SUPT3H: variants seen among roughly 807,000 people sequenced by gnomAD.
SUPT3H encodes the protein SPT3 homolog, SAGA and STAGA complex component.
Under a neutral mutation model 44.3 loss-of-function variants are expected in SUPT3H, and 44 were observed. That is an observed-to-expected ratio of 0.99 (90% CI 0.78 to 1.28). SUPT3H has a LOEUF of 1.28. SUPT3H is among the 50% of genes most tolerant of loss of function. The probability of loss-of-function intolerance (pLI) is 0.00; values close to 1 mark genes in which losing one functional copy is unlikely to be tolerated. For synonymous variants in SUPT3H, 124 were observed against 125.6 expected (o/e 0.99, Z 0.09); for missense variants, 380 against 387.1 (o/e 0.98, Z 0.15).
At chr6:44,812,373 G>A (rs1766592383) in intron 11 of SUPT3H, among the ~76,000 whole-genome samples, 2 of 152,268 alleles carry the variant, frequency 1.3e-5, no homozygotes, top group Non-Finnish European at 1.5e-5. Context: ...TCCTTGGCTC[G>A]TGGCTCCTTT....
intron 10 of SUPT3H, among the ~76,000 whole-genome samples, chr6:44,893,966 T>C (rs1437530803): frequency 1.4e-5 from 2 of 141,928 alleles, no homozygotes; most frequent in Non-Finnish European, 1.6e-5. Context: ...ATTTCTCTGA[T>C]GGCCAGTGAT....
intron 2 of SUPT3H, among the ~76,000 whole-genome samples, chr6:45,118,128 C>A (rs1220083263): frequency 6.6e-6 from 1 of 151,896 alleles, no homozygotes; most frequent in Non-Finnish European, 1.5e-5. Flanking sequence ...TAAATAATAA[C>A]CCTTTATAGA....
At chr6:45,296,968 C>T (rs1447837826) in intron 2 of SUPT3H, among the ~76,000 whole-genome samples, 1 of 149,300 alleles carries the variant, frequency 6.7e-6, no homozygotes, top group Non-Finnish European at 1.5e-5. Context: ...AAATGTATAG[C>T]GTAATCTGCT....
intron 2 of SUPT3H, among the ~76,000 whole-genome samples, chr6:45,120,301 T>C (rs1462299290): frequency 6.6e-6 from 1 of 150,778 alleles, no homozygotes; most frequent in Non-Finnish European, 1.5e-5. Context: ...AAAGACTATA[T>C]AGGCTAGGCA....
chr6:45,085,958 C>T (rs562444951), intron 3 of SUPT3H, among the ~76,000 whole-genome samples: 1 of 152,074 alleles, frequency 6.6e-6, no homozygotes, highest in Non-Finnish European at 1.5e-5. Context: ...AATTATAATC[C>T]TCCTATATTT....
chr6:45,263,129 C>G (rs1442745921), intron 2 of SUPT3H, among the ~76,000 whole-genome samples: 7 of 152,142 alleles, frequency 4.6e-5, no homozygotes, highest in Admixed American at 4.6e-4. Context: ...AATCCCACTA[C>G]TGGATATATA....
intron 3 of SUPT3H, among the ~76,000 whole-genome samples, chr6:45,044,300 G>T (rs1430793980): frequency 6.6e-6 from 1 of 152,126 alleles, no homozygotes; most frequent in Non-Finnish European, 1.5e-5. Context: ...TATCAGGTTG[G>T]AATAATCTTT....
intron 11 of SUPT3H, among the ~76,000 whole-genome samples, chr6:44,816,216 C>T (rs1766900949): frequency 6.6e-6 from 1 of 151,962 alleles, no homozygotes; most frequent in African/African-American, 2.4e-5. Flanking sequence ...TGGGATATAG[C>T]TAAAGTAGTG....
chr6:45,176,485 G>T (rs1331830601), intron 2 of SUPT3H, among the ~76,000 whole-genome samples: 1 of 151,826 alleles, frequency 6.6e-6, no homozygotes, highest in Non-Finnish European at 1.5e-5. Context: ...CAAGGCGGCA[G>T]CGAGGCTGGG....
chr6:45,057,189 T>C (rs1791263207), intron 3 of SUPT3H, among the ~76,000 whole-genome samples: 2 of 152,148 alleles, frequency 1.3e-5, no homozygotes, highest in South Asian at 2.1e-4. Context: ...AATGATTTCT[T>C]TGATAATGTT....
At chr6:45,214,402 G>A (rs1026487242) in intron 2 of SUPT3H, among the ~76,000 whole-genome samples, 4 of 151,546 alleles carry the variant, frequency 2.6e-5, no homozygotes, top group African/African-American at 9.7e-5. Flanking sequence ...AAGGAAATCA[G>A]CATTAAAGAA....
At chr6:44,857,528 CTT>C (rs1417733799) in intron 10 of SUPT3H, among the ~76,000 whole-genome samples, 1 of 152,170 alleles carries the variant, frequency 6.6e-6, no homozygotes, top group Non-Finnish European at 1.5e-5. Flanking sequence ...AAAATGCACT[CTT>C]TGGTTATTCA....
At chr6:44,998,827 T>C (rs1280748289) in intron 6 of SUPT3H, among the ~76,000 whole-genome samples, 2 of 151,916 alleles carry the variant, frequency 1.3e-5, no homozygotes, top group Admixed American at 6.6e-5. Context: ...TTTCTATGCT[T>C]TAGTTGAATG....
intron 2 of SUPT3H, among the ~76,000 whole-genome samples, chr6:45,346,223 G>A (rs980771845): frequency 6.6e-6 from 1 of 152,028 alleles, no homozygotes. Flanking sequence ...ATGTATATAT[G>A]TAAATATATA....
intron 10 of SUPT3H, among the ~76,000 whole-genome samples, chr6:44,893,284 A>T (rs1224756796): frequency 6.6e-6 from 1 of 152,158 alleles, no homozygotes; most frequent in South Asian, 2.1e-4. Flanking sequence ...TGTGCAGGTT[A>T]GTTACATATG....
intron 2 of SUPT3H, among the ~76,000 whole-genome samples, chr6:45,340,904 T>C (rs1474234178): frequency 1.3e-5 from 2 of 152,160 alleles, no homozygotes; most frequent in Admixed American, 6.5e-5. Context: ...GCATTCCTTA[T>C]ACTATGGTCT....
intron 6 of SUPT3H, among the ~76,000 whole-genome samples, chr6:44,997,865 ATC>A (rs1349399836): frequency 6.6e-6 from 1 of 151,840 alleles, no homozygotes; most frequent in Non-Finnish European, 1.5e-5. Flanking sequence ...ATTTTGTCAT[ATC>A]TCTTTTTATT....
chr6:45,341,236 A>T (rs1789707621), intron 2 of SUPT3H, among the ~76,000 whole-genome samples: 3 of 152,190 alleles, frequency 2.0e-5, no homozygotes, highest in African/African-American at 7.2e-5. Flanking sequence ...GAATAAAGCT[A>T]TGAGATTATA....
chr6:45,357,482 T>TA (rs1793455841), intron 2 of SUPT3H, among the ~76,000 whole-genome samples: 1 of 151,998 alleles, frequency 6.6e-6, no homozygotes, highest in African/African-American at 2.4e-5. Flanking sequence ...AGGGCCCAGA[T>TA]AATTGCTTTT....
Sources: gnomAD v4.1 joint callset for allele counts (sites outside exome capture counted in the v4.1 genomes callset) on GRCh38, gnomAD v4.1.1 for gene constraint, MANE v1.5 for transcripts, NCBI Gene and HGNC (gene_info 2026-07-23, HGNC 2026-07-21) for gene names.